Variants in CAPRIN2 observed in about 807,000 individuals in gnomAD.
CAPRIN2 encodes caprin family member 2, also known as caprin-2.
In CAPRIN2, 66 loss-of-function variants were observed where a neutral mutation model predicts 130.4. The ratio of observed to expected loss-of-function variants is 0.51; its 90% CI spans 0.42 to 0.62. The LOEUF is 0.62. Among genes scored for constraint, CAPRIN2 ranks in the 20% least tolerant of loss-of-function variants. CAPRIN2 has a pLI of 0.00. For synonymous variants in CAPRIN2, 471 were observed against 444.1 expected, an observed-to-expected ratio of 1.06 and a Z score of -0.76; for missense variants, 1,185 against 1,246.6, an observed-to-expected ratio of 0.95 and a Z score of 0.74.
At chr12:30,724,433 C>A in exon 10 of CAPRIN2, 1 of 1,611,606 alleles carries the variant, frequency 6.2e-7, no homozygotes, top group South Asian at 1.1e-5. Context: ...GAAGGTTTGT[C>A]AAAGTCAAGA....
intron 13 of CAPRIN2, chr12:30,716,255 T>C (rs2057518743): frequency 5.4e-6 from 2 of 372,630 alleles, no homozygotes; most frequent in South Asian, 6.4e-5. Context: ...AGCAAATAGA[T>C]TTAAAAATAC....
At chr12:30,745,603 A>C (rs1262196532) in intron 2 of CAPRIN2, among the ~76,000 whole-genome samples, 1 of 152,214 alleles carries the variant, frequency 6.6e-6, no homozygotes, top group African/African-American at 2.4e-5. Context: ...ATCACAAATA[A>C]TATTGAAAAT....
intron 3 of CAPRIN2, among the ~76,000 whole-genome samples, chr12:30,735,866 C>T (rs2064506579): frequency 6.6e-6 from 1 of 152,100 alleles, no homozygotes; most frequent in African/African-American, 2.4e-5. Flanking sequence ...TCAGGCCAGG[C>T]ACAATGATAC....
At chr12:30,754,925 C>G (rs952801739), upstream of CAPRIN2, 4 of 152,582 alleles carry the variant, frequency 2.6e-5, no homozygotes, top group African/African-American at 9.7e-5. Context: ...CGCCAGAGAC[C>G]CAGCCGACTC....
intron 5 of CAPRIN2, among the ~76,000 whole-genome samples, chr12:30,732,459 T>C (rs1178658769): frequency 6.6e-6 from 1 of 151,908 alleles, no homozygotes; most frequent in Admixed American, 6.6e-5. Flanking sequence ...AACTATACAG[T>C]TTTAACAGAT....
chr12:30,717,791 G>A (rs2058125015), intron 12 of CAPRIN2, among the ~76,000 whole-genome samples: 2 of 152,006 alleles, frequency 1.3e-5, no homozygotes, highest in East Asian at 3.9e-4. Context: ...CACGTGGCAA[G>A]CAACGATCTG....
At chr12:30,717,784 G>A (rs754236416) in intron 12 of CAPRIN2, among the ~76,000 whole-genome samples, 5 of 151,948 alleles carry the variant, frequency 3.3e-5, no homozygotes, top group African/African-American at 4.8e-5. Context: ...TCTTTACCAC[G>A]TGGCAAGCAA....
chr12:30,734,659 C>G (rs977916751), intron 4 of CAPRIN2, among the ~76,000 whole-genome samples: 15 of 152,120 alleles, frequency 9.9e-5, no homozygotes, highest in Admixed American at 3.3e-4. Context: ...TATACTTGTA[C>G]AGGATTAAAA....
chr12:30,731,218 A>G (rs1414878742), intron 6 of CAPRIN2, 125 bp downstream of exon 7: 3 of 620,712 alleles, frequency 4.8e-6, no homozygotes, highest in African/African-American at 1.9e-5. Context: ...TCCTGTGGTA[A>G]GTAAAGATTT....
At chr12:30,753,381 C>G in exon 1 of CAPRIN2, 3 of 1,613,278 alleles carry the variant, frequency 1.9e-6, no homozygotes, top group Non-Finnish European at 2.5e-6. Context: ...GTGTTTAAGG[C>G]ATATGAGTCC....
At chr12:30,716,674 T>C (rs777961163) in exon 13 of CAPRIN2, 2 of 1,613,438 alleles carry the variant, frequency 1.2e-6, no homozygotes, top group East Asian at 4.5e-5. Flanking sequence ...TAACGTTAAA[T>C]ACCTTAAAAG....
At chr12:30,712,611 A>G (rs183318956) in intron 15 of CAPRIN2, among the ~76,000 whole-genome samples, 104 of 152,284 alleles carry the variant, frequency 6.8e-4, no homozygotes, top group Non-Finnish European at 1.3e-3. Flanking sequence ...TTAGATGAAA[A>G]ACTAACAGAT....
At chr12:30,745,106 C>T (rs530932959) in intron 2 of CAPRIN2, among the ~76,000 whole-genome samples, 1 of 152,314 alleles carries the variant, frequency 6.6e-6, no homozygotes, top group Non-Finnish European at 1.5e-5. Flanking sequence ...TTCTACATTA[C>T]TTATTGAGTT....
In CAPRIN2 at chr12:30,747,592, G is replaced by A. The variant is rs7958560; in HGVS notation, c.483+3479C>T. Reference sequence around the variant, plus strand: ...CTCAGGAGGCTGAGGCAGGAGAATCGCTTGAACCTGGGAGGTGGAGGTTGC... The same window carrying A: ...CTCAGGAGGCTGAGGCAGGAGAATCACTTGAACCTGGGAGGTGGAGGTTGC... On this transcript the variant is annotated intron_variant, in intron 2 of 16. Transcript: ENST00000298892. 6.9e-3 allele frequency among the ~76,000 whole-genome samples: 1,052 copies of A among 151,946 alleles called. 7 individuals are homozygous for A. Among genetic ancestry groups the A allele is most frequent in the African/African-American group, 0.024 (988 of 41,424 alleles).
chr12:30,740,958 A>T, intron 3 of CAPRIN2, 62 bp downstream of exon 4: 1 of 960,920 alleles, frequency 1.0e-6, no homozygotes, highest in Non-Finnish European at 1.7e-6. Flanking sequence ...TGACACACTG[A>T]CATTTTCTCC....
At chr12:30,753,886 G>A in exon 1 of CAPRIN2, 7 of 889,260 alleles carry the variant, frequency 7.9e-6, no homozygotes, top group Non-Finnish European at 1.0e-5. Context: ...GAACTGCAAC[G>A]GCTTCAGAGC....
intron 1 of CAPRIN2, among the ~76,000 whole-genome samples, 174 bp downstream of exon 2, chr12:30,753,170 C>G (rs1289280432): frequency 6.6e-6 from 1 of 152,150 alleles, no homozygotes; most frequent in African/African-American, 2.4e-5. Context: ...GTTGTTTTGA[C>G]AAATGAAACA....
exon 1 of CAPRIN2, chr12:30,753,629 G>A (rs988611130): frequency 1.9e-6 from 3 of 1,614,170 alleles, no homozygotes; most frequent in Non-Finnish European, 2.5e-6. Flanking sequence ...GTGGGGGAAA[G>A]TTAAGTATAA....
At chr12:30,714,976 G>A in exon 14 of CAPRIN2, 1 of 1,613,522 alleles carries the variant, frequency 6.2e-7, no homozygotes, top group Non-Finnish European at 8.5e-7. Context: ...ACCACCAGGG[G>A]ACCGATAGGA....
Sources: gnomAD v4.1 joint callset for allele counts (sites outside exome capture counted in the v4.1 genomes callset) on GRCh38, gnomAD v4.1.1 for gene constraint, MANE v1.5 for transcripts, NCBI Gene and HGNC (gene_info 2026-07-23, HGNC 2026-07-21) for gene names.